Variants in GHR observed in about 807,000 individuals in gnomAD.
The protein encoded by GHR is growth hormone receptor, also known as GH receptor.
A neutral mutation model predicts 67.1 loss-of-function variants in GHR; 35 were observed. The ratio of observed to expected loss-of-function variants is 0.52; its 90% CI spans 0.40 to 0.69. The LOEUF (loss-of-function observed/expected upper bound fraction) is 0.69. Among genes scored for constraint, GHR ranks in the 30% least tolerant of loss-of-function variants. The pLI is 0.00. For missense variants in GHR, 792 were observed against 764.6 expected, an observed-to-expected ratio of 1.04 and a Z score of -0.42; for synonymous variants, 272 against 269.1, an observed-to-expected ratio of 1.01 and a Z score of -0.10.
At chr5:42,666,830 G>A (rs34516185) in intron 3 of GHR, among the ~76,000 whole-genome samples, 1,837 of 152,208 alleles carry the variant, frequency 0.012, 37 homozygotes, top group African/African-American at 0.042. Flanking sequence ...TCTCTAAATC[G>A]CAGATCTTTT....
intron 1 of GHR, among the ~76,000 whole-genome samples, chr5:42,528,255 G>T (rs1457350062): frequency 6.6e-6 from 1 of 152,018 alleles, no homozygotes; most frequent in Non-Finnish European, 1.5e-5. Flanking sequence ...AAAACCTTAT[G>T]GAAAGGATTT....
At chr5:42,430,785 T>C (rs1374805689) in intron 1 of GHR, among the ~76,000 whole-genome samples, 1 of 152,122 alleles carries the variant, frequency 6.6e-6, no homozygotes, top group Non-Finnish European at 1.5e-5. Flanking sequence ...ATTTCACTAC[T>C]CCCCACCTCC....
intron 1 of GHR, among the ~76,000 whole-genome samples, chr5:42,481,122 T>G (rs1270958121): frequency 2.6e-5 from 4 of 151,926 alleles, no homozygotes; most frequent in East Asian, 1.9e-4. Context: ...GTCTGTAAAG[T>G]ATTTTATTTC....
At chr5:42,535,503 C>T (rs917689876) in intron 1 of GHR, among the ~76,000 whole-genome samples, 13 of 152,054 alleles carry the variant, frequency 8.5e-5, no homozygotes, top group African/African-American at 3.1e-4. Flanking sequence ...ATATTCTGTT[C>T]CATTGGTCTA....
intron 1 of GHR, among the ~76,000 whole-genome samples, chr5:42,493,832 C>T (rs34318679): frequency 0.012 from 1,831 of 152,168 alleles, 13 homozygotes; most frequent in Non-Finnish European, 0.019. Flanking sequence ...CCTTCTTTTT[C>T]CTATGCTATA....
At chr5:42,649,555 A>G (rs1476656428) in intron 3 of GHR, among the ~76,000 whole-genome samples, 1 of 152,192 alleles carries the variant, frequency 6.6e-6, no homozygotes, top group Admixed American at 6.5e-5. Flanking sequence ...GTAACACAGA[A>G]TTAGACATAA....
intron 3 of GHR, among the ~76,000 whole-genome samples, chr5:42,644,855 A>G (rs1561192994): frequency 6.6e-6 from 1 of 152,176 alleles, no homozygotes; most frequent in Non-Finnish European, 1.5e-5. Context: ...CAAAATAAAA[A>G]TAGAATAATC....
intron 1 of GHR, among the ~76,000 whole-genome samples, chr5:42,541,664 GT>G (rs200821797): frequency 0.013 from 1,997 of 152,268 alleles, 17 homozygotes; most frequent in Middle Eastern, 0.034. Context: ...TTAAGAAACT[GT>G]TATAATAATC....
chr5:42,574,360 C>A (rs1289078311), intron 2 of GHR, among the ~76,000 whole-genome samples: 1 of 152,226 alleles, frequency 6.6e-6, no homozygotes, highest in Non-Finnish European at 1.5e-5. Flanking sequence ...TGGTGCCCAA[C>A]TTTCTTTGTT....
intron 2 of GHR, among the ~76,000 whole-genome samples, chr5:42,616,479 G>A (rs2112693890): frequency 6.6e-6 from 1 of 152,124 alleles, no homozygotes; most frequent in East Asian, 1.9e-4. Flanking sequence ...AATTTAGGAA[G>A]AACAGTTTTT....
At chr5:42,478,630 T>A (rs1244976248) in intron 1 of GHR, among the ~76,000 whole-genome samples, 1 of 151,030 alleles carries the variant, frequency 6.6e-6, no homozygotes, top group African/African-American at 2.4e-5. Flanking sequence ...CTAGGTATTT[T>A]ATTCTCTTTG....
At chr5:42,481,894 T>C (rs1488197908) in intron 1 of GHR, among the ~76,000 whole-genome samples, 1 of 152,218 alleles carries the variant, frequency 6.6e-6, no homozygotes, top group Non-Finnish European at 1.5e-5. Flanking sequence ...ATCAAAGTCA[T>C]TCTCCATCCA....
At chr5:42,640,245 G>T (rs1192121944) in intron 3 of GHR, among the ~76,000 whole-genome samples, 5 of 152,116 alleles carry the variant, frequency 3.3e-5, no homozygotes, top group Admixed American at 3.3e-4. Context: ...GGGGTTTGGG[G>T]AGCTGGGAAC....
rs911543516 is a variant in GHR, at chr5:42,590,903, C to T, written c.70+24959C>T. Among the ~76,000 whole-genome samples the T allele has an allele frequency of 3.3e-5, 5 of 152,158 alleles. 1 individual carries two copies. The highest frequency in any genetic ancestry group is 2.6e-4 in the Admixed American group (4 of 15,264). On this transcript the variant is annotated intron_variant, in intron 2 of 9. Coordinates refer to ENST00000230882, the MANE Select transcript of GHR (RefSeq NM_000163.5). The stretch of plus-strand genomic sequence containing the variant: ...AGCTGTGCAATTGTTTCAGGGACTA[C>T]AGTTGATTTTCCTGATGCAAGCCTA...
intron 3 of GHR, chr5:42,646,491 T>C: frequency 6.3e-6 from 2 of 319,336 alleles, no homozygotes; most frequent in South Asian, 5.7e-5. Flanking sequence ...AAAAGGCAGA[T>C]CTAAAATACA....
intron 1 of GHR, chr5:42,515,142 A>T (rs1009246793): frequency 6.6e-6 from 1 of 152,214 alleles, no homozygotes; most frequent in African/African-American, 2.4e-5. Flanking sequence ...AGCTCATCAG[A>T]GTTCCATAGA....
At chr5:42,572,913 C>A (rs1750413607) in intron 2 of GHR, among the ~76,000 whole-genome samples, 1 of 152,046 alleles carries the variant, frequency 6.6e-6, no homozygotes. Flanking sequence ...GTTGTGTTTC[C>A]CTCTTCTAAA....
At chr5:42,684,928 T>G (rs1294099085) in intron 3 of GHR, among the ~76,000 whole-genome samples, 1 of 152,138 alleles carries the variant, frequency 6.6e-6, no homozygotes, top group East Asian at 1.9e-4. Context: ...CTTCTTACCC[T>G]GCTTATTTTT....
chr5:42,692,349 G>A (rs1757457465), intron 4 of GHR, among the ~76,000 whole-genome samples: 1 of 151,822 alleles, frequency 6.6e-6, no homozygotes, highest in Non-Finnish European at 1.5e-5. Context: ...CATTTCACAA[G>A]ATAGTCTGGG....
Sources: allele counts gnomAD v4.1 joint callset (sites outside exome capture counted in the v4.1 genomes callset), GRCh38; gene constraint gnomAD v4.1.1; transcripts MANE v1.5; gene names NCBI Gene and HGNC (gene_info 2026-07-23, HGNC 2026-07-21).